ATP6V1H: variants seen among roughly 807,000 people sequenced by gnomAD.
The protein encoded by ATP6V1H is ATPase H+ transporting V1 subunit H.
A neutral mutation model predicts 71.7 loss-of-function variants in ATP6V1H; 39 were observed. The observed-to-expected ratio is 0.54, with a 90% confidence interval of 0.42 to 0.71. The LOEUF is 0.71. ATP6V1H is among the 30% of genes least tolerant of loss of function. ATP6V1H has a pLI of 0.00. For missense variants in ATP6V1H, 509 were observed against 594.9 expected, an observed-to-expected ratio of 0.86 and a Z score of 1.50; for synonymous variants, 192 against 199.3, an observed-to-expected ratio of 0.96 and a Z score of 0.31.
intron 9 of ATP6V1H, among the ~76,000 whole-genome samples, chr8:53,782,443 T>A (rs1282587170): frequency 6.6e-6 from 1 of 151,932 alleles, no homozygotes; most frequent in Admixed American, 6.6e-5. Flanking sequence ...GATTTTGGGC[T>A]GAGACAATGG....
At position 53,731,965 on chromosome 8, in the gene ATP6V1H, C is replaced by A. The variant is rs111800200; in HGVS notation, c.1391+11612G>T. ...GGAGGATCAATGCAGTGGCTGAACACTGCGAAGGAACTGACGCTTGGAGTT... is the reference window on the plus strand; with the variant it reads ...GGAGGATCAATGCAGTGGCTGAACAATGCGAAGGAACTGACGCTTGGAGTT... On this transcript the variant is annotated intron_variant, in intron 13 of 13. Transcript: ENST00000359530. Among the ~76,000 whole-genome samples, 8 of 152,358 alleles carry A rather than the reference C, an allele frequency of 5.3e-5. 1 individual carries two copies. The highest frequency in any genetic ancestry group is 1.9e-4 in the African/African-American group (8 of 41,594).
At chr8:53,717,034 TG>T (rs1806448482) in intron 13 of ATP6V1H, among the ~76,000 whole-genome samples, 1 of 152,220 alleles carries the variant, frequency 6.6e-6, no homozygotes, top group Admixed American at 6.5e-5. Context: ...AGGCCCTGGC[TG>T]GGCTGCAAGC....
At chr8:53,833,552 CA>C (rs1811072293) in intron 2 of ATP6V1H, among the ~76,000 whole-genome samples, 1 of 148,458 alleles carries the variant, frequency 6.7e-6, no homozygotes, top group Non-Finnish European at 1.5e-5. Context: ...TCCCTCCAGA[CA>C]GAAAAAAAAA....
At chr8:53,798,022 C>T (rs992284456) in intron 8 of ATP6V1H, among the ~76,000 whole-genome samples, 1 of 152,130 alleles carries the variant, frequency 6.6e-6, no homozygotes, top group Non-Finnish European at 1.5e-5. Flanking sequence ...CCAGCAAAGG[C>T]CCACTTATAG....
rs562864430 is a variant in ATP6V1H at position 53,715,895 on chromosome 8, C to T, written c.*69G>A. ...CAAGTAAAATCAAACAGTGTTCACT[C>T]TTAACTCTAAACACAGTGCTCCCAC... is the stretch of plus-strand genomic sequence containing the variant. On this transcript the variant is annotated 3_prime_UTR_variant, in exon 14 of 14. Transcript: ENST00000359530. The T allele has an allele frequency of 2.6e-4, 357 of 1,391,000 alleles. No homozygotes were observed. Among genetic ancestry groups the T allele is most frequent in the Non-Finnish European group, 3.1e-4 (313 of 1,004,092 alleles). 86.2% of individuals were successfully genotyped at this position (1,391,000 alleles called of 1,614,324 possible). A position where few individuals can be genotyped will look rare whatever the true frequency, so the allele number is the denominator to read the frequency against.
rs971760966 is a variant in ATP6V1H at position 53,795,589 on chromosome 8, A to C, written c.870+58T>G. 9 of 1,523,058 alleles carry C rather than the reference A, an allele frequency of 5.9e-6. No homozygotes were observed. The African/African-American group carries it at 1.3e-4, about 21-fold the overall frequency. The allele number at this position is 1,523,058 out of a possible 1,614,324, so 94.3% of individuals were successfully genotyped here. On this transcript the variant is annotated intron_variant, in intron 9 of 13. Coordinates refer to ENST00000359530, the MANE Select transcript of ATP6V1H (RefSeq NM_015941.4). Reference sequence around the variant, plus strand: ...TTTTTTCCCGCCTGCTAAAAACTCAAATATACTGCACAGTGAAAAATGCCT... The same window carrying C: ...TTTTTTCCCGCCTGCTAAAAACTCACATATACTGCACAGTGAAAAATGCCT...
chr8:53,728,618 C>T (rs74701773), intron 13 of ATP6V1H, among the ~76,000 whole-genome samples: 1 of 152,150 alleles, frequency 6.6e-6, no homozygotes, highest in Non-Finnish European at 1.5e-5. Context: ...TTTGTCCCTT[C>T]TGGCAACGCC....
chr8:53,815,572 A>T (rs1450377081), intron 5 of ATP6V1H, among the ~76,000 whole-genome samples: 1 of 152,236 alleles, frequency 6.6e-6, no homozygotes, highest in Non-Finnish European at 1.5e-5. Flanking sequence ...AATGTCAGAC[A>T]CTTAAGTGTT....
chr8:53,729,441 C>T (rs1021698955), intron 13 of ATP6V1H, among the ~76,000 whole-genome samples: 1 of 152,066 alleles, frequency 6.6e-6, no homozygotes, highest in East Asian at 1.9e-4. Flanking sequence ...CAAGCCAGTC[C>T]CCCAACGTGC....
chr8:53,768,228 T>G (rs572003771), intron 11 of ATP6V1H, among the ~76,000 whole-genome samples: 4 of 152,182 alleles, frequency 2.6e-5, no homozygotes, highest in Non-Finnish European at 5.9e-5. Flanking sequence ...GACACCACAA[T>G]GAGATATCAC....
intron 9 of ATP6V1H, among the ~76,000 whole-genome samples, chr8:53,788,162 A>AAG (rs1250354627): frequency 6.6e-6 from 1 of 152,150 alleles, no homozygotes; most frequent in Non-Finnish European, 1.5e-5. Context: ...TGGATGTCTA[A>AAG]AGATGTTCTT....
chr8:53,786,743 A>G lies in ATP6V1H; in HGVS notation c.870+8904T>C, dbSNP rs147621470. 2.2e-3 allele frequency among the ~76,000 whole-genome samples: 338 copies of G among 152,378 alleles called. 2 individuals are homozygous for G. The highest frequency in any genetic ancestry group is 7.9e-3 in the African/African-American group (327 of 41,594). On this transcript the variant is annotated intron_variant, in intron 9 of 13. Coordinates refer to ENST00000359530, the MANE Select transcript of ATP6V1H (RefSeq NM_015941.4). ...CAACAAAAGCAAAAGTGACAAATCCAGTATAAACATCATTTTTGCCTTTGG... is the reference window on the plus strand; with the variant it reads ...CAACAAAAGCAAAAGTGACAAATCCGGTATAAACATCATTTTTGCCTTTGG...
chr8:53,831,740 T>C (rs1056475315), intron 3 of ATP6V1H: 5 of 150,784 alleles, frequency 3.3e-5, no homozygotes, highest in Non-Finnish European at 7.4e-5. Flanking sequence ...TAATCAATAA[T>C]TACACTCTTT....
intron 13 of ATP6V1H, among the ~76,000 whole-genome samples, chr8:53,717,744 A>G (rs1245185218): frequency 6.6e-6 from 1 of 152,168 alleles, no homozygotes; most frequent in African/African-American, 2.4e-5. Flanking sequence ...GGTGGAGGTA[A>G]TAATATTTAT....
At chr8:53,751,721 GT>G (rs1807805505) in intron 12 of ATP6V1H, among the ~76,000 whole-genome samples, 1 of 151,090 alleles carries the variant, frequency 6.6e-6, no homozygotes, top group African/African-American at 2.4e-5. Flanking sequence ...CCAGATTAGA[GT>G]ACAGTCGCGC....
At chr8:53,778,890 A>C (rs1018678650) in intron 9 of ATP6V1H, among the ~76,000 whole-genome samples, 2 of 152,254 alleles carry the variant, frequency 1.3e-5, no homozygotes, top group African/African-American at 4.8e-5. Flanking sequence ...GCATGCAACC[A>C]TAAGCGTAAG....
chr8:53,772,916 A>AAAAAAAAAAAAAAAAT (rs1808720512), intron 9 of ATP6V1H, among the ~76,000 whole-genome samples: 1 of 151,558 alleles, frequency 6.6e-6, no homozygotes, highest in African/African-American at 2.4e-5. Flanking sequence ...AAAAAAAAAA[A>AAAAAAAAAAAAAAAAT]AAAAAACAAA....
chr8:53,738,375 G>A (rs544978763), intron 13 of ATP6V1H, among the ~76,000 whole-genome samples: 32 of 151,780 alleles, frequency 2.1e-4, no homozygotes, highest in African/African-American at 7.7e-4. Context: ...GATCACAGAT[G>A]TAACTGCCCC....
At chr8:53,782,976 T>C (rs1809219569) in intron 9 of ATP6V1H, among the ~76,000 whole-genome samples, 1 of 152,228 alleles carries the variant, frequency 6.6e-6, no homozygotes, top group Non-Finnish European at 1.5e-5. Context: ...GCATCAATGT[T>C]CATCAAGGAT....
Sources: gnomAD v4.1 joint callset for allele counts (sites outside exome capture counted in the v4.1 genomes callset) on GRCh38, gnomAD v4.1.1 for gene constraint, MANE v1.5 for transcripts, NCBI Gene and HGNC (gene_info 2026-07-23, HGNC 2026-07-21) for gene names.